The following PRPSAP2 variants were observed in gnomAD, a reference collection of about 807,000 sequenced individuals.
The protein encoded by PRPSAP2 is phosphoribosyl pyrophosphate synthase-associated protein 2.
Under a neutral mutation model 40.6 loss-of-function variants are expected in PRPSAP2, and 24 were observed. The observed-to-expected ratio is 0.59, with a 90% CI of 0.43 to 0.83. PRPSAP2 has a LOEUF of 0.83. PRPSAP2 is among the 40% of genes least tolerant of loss of function. The probability of loss-of-function intolerance (pLI) is 0.00; values close to 1 mark genes in which losing one functional copy is unlikely to be tolerated. For synonymous variants in PRPSAP2, 149 were observed against 164.7 expected, an observed-to-expected ratio of 0.90 and a Z score of 0.73; for missense variants, 292 against 465.6, an observed-to-expected ratio of 0.63 and a Z score of 3.43.
intron 4 of PRPSAP2, among the ~76,000 whole-genome samples, chr17:18,871,434 C>G (rs1225073364): frequency 6.6e-6 from 1 of 151,968 alleles, no homozygotes; most frequent in Non-Finnish European, 1.5e-5. Context: ...TAGAACAATC[C>G]CCTCACCTCT....
intron 4 of PRPSAP2, among the ~76,000 whole-genome samples, chr17:18,868,170 G>A (rs1229899062): frequency 6.6e-6 from 1 of 151,914 alleles, no homozygotes; most frequent in African/African-American, 2.4e-5. Context: ...TTTAGCAATG[G>A]TGGATATTTG....
intron 8 of PRPSAP2, chr17:18,908,418 T>A (rs879033908): frequency 2.6e-6 from 2 of 759,136 alleles, no homozygotes; most frequent in South Asian, 2.8e-5. Flanking sequence ...CTTTTAAAAA[T>A]GCAGACGAAA....
intron 9 of PRPSAP2, chr17:18,917,546 G>GTATTATTATTATTATTATTATTATTAT (rs763129113): frequency 2.0e-5 from 1 of 48,964 alleles, no homozygotes; most frequent in Non-Finnish European, 4.0e-5. Context: ...GGTAATTTTG[G>GTATTATTATTATTATTATTATTATTAT]TATTATTATT....
chr17:18,858,846 C>G (rs565807393), intron 1 of PRPSAP2, among the ~76,000 whole-genome samples: 3 of 107,670 alleles, frequency 2.8e-5, no homozygotes, highest in African/African-American at 7.3e-5. Context: ...CGGAATGGGG[C>G]TTTGGGGCTT....
At chr17:18,872,941 C>G (rs2037996895) in intron 5 of PRPSAP2, among the ~76,000 whole-genome samples, 1 of 151,588 alleles carries the variant, frequency 6.6e-6, no homozygotes, top group Non-Finnish European at 1.5e-5. Context: ...CTCCCAGGTT[C>G]TAGTGATTCT....
chr17:18,910,199 C>T (rs1434042095), intron 8 of PRPSAP2, among the ~76,000 whole-genome samples: 1 of 152,138 alleles, frequency 6.6e-6, no homozygotes, highest in African/African-American at 2.4e-5. Context: ...GTGGGTGGAT[C>T]ATTTCAGGTC....
intron 9 of PRPSAP2, among the ~76,000 whole-genome samples, chr17:18,916,538 C>T (rs896546166): frequency 3.9e-5 from 6 of 151,994 alleles, no homozygotes; most frequent in African/African-American, 1.2e-4. Flanking sequence ...CGCACCACCA[C>T]GACTGGCTAA....
intron 6 of PRPSAP2, among the ~76,000 whole-genome samples, chr17:18,881,493 C>T (rs2038736154): frequency 6.6e-6 from 1 of 152,024 alleles, no homozygotes; most frequent in African/African-American, 2.4e-5. Context: ...CCGCCTCGGC[C>T]TCCCAAAGTG....
At chr17:18,903,957 C>G (rs2040433379) in intron 8 of PRPSAP2, among the ~76,000 whole-genome samples, 1 of 152,138 alleles carries the variant, frequency 6.6e-6, no homozygotes, top group Non-Finnish European at 1.5e-5. Flanking sequence ...TAGTTCCCTC[C>G]TCCAAGTTTT....
intron 8 of PRPSAP2, among the ~76,000 whole-genome samples, chr17:18,905,366 T>C (rs1446988108): frequency 2.6e-5 from 4 of 152,010 alleles, no homozygotes; most frequent in Non-Finnish European, 5.9e-5. Flanking sequence ...TTTGTAGAGG[T>C]TGGTATAATT....
intron 9 of PRPSAP2, among the ~76,000 whole-genome samples, chr17:18,921,933 C>T (rs1210741119): frequency 6.6e-6 from 1 of 152,148 alleles, no homozygotes; most frequent in African/African-American, 2.4e-5. Flanking sequence ...AGTTTCAAAA[C>T]TTCTCATTAC....
intron 7 of PRPSAP2, 39 bp from the exon 8 acceptor site, chr17:18,889,783 G>A: frequency 6.6e-7 from 1 of 1,503,836 alleles, no homozygotes; most frequent in Non-Finnish European, 9.0e-7. Context: ...TTTCCTTTTT[G>A]TTGACATGCA....
intron 10 of PRPSAP2, among the ~76,000 whole-genome samples, chr17:18,927,554 G>T (rs1466686498): frequency 6.6e-6 from 1 of 152,098 alleles, no homozygotes; most frequent in Non-Finnish European, 1.5e-5. Context: ...AAGGACATTT[G>T]GATGATTTCC....
chr17:18,878,768 G>C (rs980804225), intron 6 of PRPSAP2, among the ~76,000 whole-genome samples: 25 of 152,186 alleles, frequency 1.6e-4, no homozygotes, highest in African/African-American at 5.1e-4. Flanking sequence ...TGTTGGTCAG[G>C]CTGGTCTCAA....
chr17:18,879,953 G>A (rs1451052832), intron 6 of PRPSAP2, among the ~76,000 whole-genome samples: 3 of 151,966 alleles, frequency 2.0e-5, no homozygotes, highest in Admixed American at 6.6e-5. Flanking sequence ...AAAATTAGCC[G>A]GGTGTGGTGA....
intron 9 of PRPSAP2, among the ~76,000 whole-genome samples, chr17:18,916,792 C>T (rs1254157401): frequency 6.6e-6 from 1 of 152,180 alleles, no homozygotes; most frequent in Non-Finnish European, 1.5e-5. Context: ...TCACTCTGCT[C>T]CTGAGGTGGC....
chr17:18,901,510 G>GCTGGGA (rs1445637717), intron 8 of PRPSAP2, among the ~76,000 whole-genome samples: 2 of 152,104 alleles, frequency 1.3e-5, no homozygotes, highest in African/African-American at 4.8e-5. Context: ...CTCCCGAGTA[G>GCTGGGA]CTGGGACTAC....
chr17:18,920,109 AC>A (rs2041610088), intron 9 of PRPSAP2, among the ~76,000 whole-genome samples: 1 of 152,040 alleles, frequency 6.6e-6, no homozygotes, highest in Non-Finnish European at 1.5e-5. Context: ...CCTCAGCAGA[AC>A]CCTGCAAGGG....
intron 6 of PRPSAP2, among the ~76,000 whole-genome samples, chr17:18,878,652 G>T (rs146759249): frequency 6.6e-6 from 1 of 151,962 alleles, no homozygotes; most frequent in African/African-American, 2.4e-5. Context: ...CCACCTCCCC[G>T]GTTCAAGCGA....
Sources: allele counts gnomAD v4.1 joint callset (sites outside exome capture counted in the v4.1 genomes callset), GRCh38; gene constraint gnomAD v4.1.1; transcripts MANE v1.5; gene names NCBI Gene and HGNC (gene_info 2026-07-23, HGNC 2026-07-21).